CALN1: variants seen among roughly 807,000 people sequenced by gnomAD.
CALN1 encodes calneuron 1.
CALN1 carries 17 observed loss-of-function variants against 30.6 expected under a neutral mutation model. The observed-to-expected ratio is 0.56, with a 90% CI of 0.38 to 0.83. The LOEUF (loss-of-function observed/expected upper bound fraction) is 0.83, where lower values mean the gene tolerates loss of function less well. CALN1 is among the 40% of genes least tolerant of loss of function. The probability of loss-of-function intolerance (pLI) is 0.00; values close to 1 mark genes in which losing one functional copy is unlikely to be tolerated. For synonymous variants in CALN1, 156 were observed against 131.4 expected, an observed-to-expected ratio of 1.19 and a Z score of -1.28; for missense variants, 291 against 354.9, an observed-to-expected ratio of 0.82 and a Z score of 1.45.
chr7:72,180,694 A>G (rs898866000), intron 3 of CALN1, among the ~76,000 whole-genome samples: 4 of 150,522 alleles, frequency 2.7e-5, no homozygotes, highest in African/African-American at 9.8e-5. Flanking sequence ...TGCAATATCA[A>G]ACTCCCAGGC....
At chr7:72,266,429 A>G (rs1796601332) in intron 3 of CALN1, among the ~76,000 whole-genome samples, 1 of 152,216 alleles carries the variant, frequency 6.6e-6, no homozygotes, top group South Asian at 2.1e-4. Flanking sequence ...CTTTAAGGCC[A>G]TCACTGGAAT....
At chr7:71,955,908 T>C (rs1796935890) in intron 5 of CALN1, among the ~76,000 whole-genome samples, 1 of 151,728 alleles carries the variant, frequency 6.6e-6, no homozygotes, top group Non-Finnish European at 1.5e-5. Flanking sequence ...GGCACCTGGG[T>C]GGTACCTGGT....
At chr7:72,242,993 T>A (rs190199724) in intron 3 of CALN1, among the ~76,000 whole-genome samples, 1 of 152,220 alleles carries the variant, frequency 6.6e-6, no homozygotes, top group Non-Finnish European at 1.5e-5. Context: ...GATATGGATG[T>A]AGATATTCCC....
chr7:72,063,392 CCT>C (rs750372012), intron 4 of CALN1, among the ~76,000 whole-genome samples: 5 of 152,184 alleles, frequency 3.3e-5, no homozygotes, highest in Non-Finnish European at 5.9e-5. Flanking sequence ...GGAAAGTTTT[CCT>C]CTCTCTTAAA....
intron 2 of CALN1, among the ~76,000 whole-genome samples, chr7:72,360,687 A>C (rs1364828083): frequency 2.7e-5 from 4 of 148,426 alleles, no homozygotes; most frequent in African/African-American, 9.9e-5. Context: ...ATACATATGT[A>C]ACATGTAACA....
intron 5 of CALN1, among the ~76,000 whole-genome samples, chr7:71,985,250 C>A (rs896801133): frequency 6.6e-6 from 1 of 152,184 alleles, no homozygotes; most frequent in African/African-American, 2.4e-5. Flanking sequence ...TCATTTCACA[C>A]TCTGCGTATT....
intron 5 of CALN1, among the ~76,000 whole-genome samples, chr7:71,848,179 G>A (rs753313262): frequency 9.2e-5 from 14 of 152,180 alleles, no homozygotes; most frequent in Non-Finnish European, 1.6e-4. Flanking sequence ...CAATTTTAAA[G>A]AATTGTAAAG....
intron 5 of CALN1, among the ~76,000 whole-genome samples, chr7:72,012,395 G>T (rs1584741969): frequency 6.6e-6 from 1 of 152,012 alleles, no homozygotes; most frequent in Non-Finnish European, 1.5e-5. Context: ...TGCCTGTAGT[G>T]CCAGCTACTC....
rs1792834916 is a variant in CALN1 at position 71,783,660 on chromosome 7, G to A, written c.*4115C>T. On this transcript the variant is annotated 3_prime_UTR_variant, in exon 7 of 7. Coordinates refer to ENST00000395275, the MANE Select transcript of CALN1 (RefSeq NM_031468.4). ...GGAAACTGCTAGATTTAGGTGAAGA[G>A]CAACGTGCAAAACTGTCTTTGATTT... 1 of 152,684 alleles carries A rather than the reference G, an allele frequency of 6.5e-6. No homozygotes were observed. The highest frequency in any genetic ancestry group is 1.5e-5 in the Non-Finnish European group (1 of 68,062). The allele number at this position is 152,684 out of a possible 1,614,324, so 9.5% of individuals were successfully genotyped here. A position where few individuals can be genotyped will look rare whatever the true frequency, so the allele number is the denominator to read the frequency against.
At chr7:72,383,923 T>C (rs1424253246) in intron 2 of CALN1, among the ~76,000 whole-genome samples, 1 of 152,228 alleles carries the variant, frequency 6.6e-6, no homozygotes, top group African/African-American at 2.4e-5. Flanking sequence ...TAGGGATACA[T>C]GTTGACCCAG....
At chr7:72,128,509 T>G (rs1254864725) in intron 3 of CALN1, among the ~76,000 whole-genome samples, 4 of 152,178 alleles carry the variant, frequency 2.6e-5, no homozygotes, top group Non-Finnish European at 1.5e-5. Context: ...TTTAAATAAT[T>G]TTAAGAGTGA....
At chr7:72,340,827 G>C (rs751992745) in intron 2 of CALN1, among the ~76,000 whole-genome samples, 11 of 152,136 alleles carry the variant, frequency 7.2e-5, no homozygotes, top group Non-Finnish European at 1.5e-4. Context: ...TAGTGAGTAA[G>C]TCTCACAAGA....
intron 3 of CALN1, among the ~76,000 whole-genome samples, chr7:72,129,962 C>T (rs1461225227): frequency 1.3e-5 from 2 of 152,104 alleles, no homozygotes; most frequent in Non-Finnish European, 2.9e-5. Context: ...AGGGCAGATC[C>T]TTCATGAATA....
intron 3 of CALN1, among the ~76,000 whole-genome samples, chr7:72,161,742 A>G (rs970748690): frequency 5.3e-5 from 8 of 152,024 alleles, no homozygotes; most frequent in African/African-American, 1.9e-4. Flanking sequence ...CAGGGAGGGG[A>G]GCAACACACA....
chr7:72,031,725 G>A (rs1233694489), intron 4 of CALN1, among the ~76,000 whole-genome samples: 4 of 146,274 alleles, frequency 2.7e-5, no homozygotes, highest in Non-Finnish European at 4.5e-5. Context: ...GTGCCACCAC[G>A]CCTGGCTAAT....
intron 3 of CALN1, among the ~76,000 whole-genome samples, chr7:72,180,607 C>CTTTTTTTT (rs150600925): frequency 1.1e-5 from 1 of 90,004 alleles, no homozygotes; most frequent in African/African-American, 4.8e-5. Flanking sequence ...GCTTTTTTTT[C>CTTTTTTTT]TTTTTTTTTT....
At chr7:72,341,804 A>T (rs1802398305) in intron 2 of CALN1, among the ~76,000 whole-genome samples, 1 of 152,228 alleles carries the variant, frequency 6.6e-6, no homozygotes, top group South Asian at 2.1e-4. Flanking sequence ...CAGTTCACTC[A>T]GTTAACCTGG....
At chr7:71,809,207 T>C (rs1182124955) in intron 6 of CALN1, among the ~76,000 whole-genome samples, 1 of 152,042 alleles carries the variant, frequency 6.6e-6, no homozygotes, top group Non-Finnish European at 1.5e-5. Flanking sequence ...GTACAGGCCA[T>C]CTCCTGTTCC....
intron 6 of CALN1, among the ~76,000 whole-genome samples, chr7:71,796,955 C>T (rs1786963545): frequency 6.8e-6 from 1 of 147,716 alleles, no homozygotes; most frequent in Non-Finnish European, 1.5e-5. Flanking sequence ...GACTGTTTGA[C>T]TGTTTCTTTC....
Sources: gnomAD v4.1 joint callset for allele counts (sites outside exome capture counted in the v4.1 genomes callset) on GRCh38, gnomAD v4.1.1 for gene constraint, MANE v1.5 for transcripts, NCBI Gene and HGNC (gene_info 2026-07-23, HGNC 2026-07-21) for gene names.